Variants in SLC45A4 observed in about 807,000 individuals in gnomAD.
SLC45A4 encodes the protein polyamine-transporter SLC45A4.
In SLC45A4, 32 loss-of-function variants were observed where a neutral mutation model predicts 63.7. That is an observed-to-expected ratio of 0.50 (90% CI 0.38 to 0.67). The LOEUF is 0.67. SLC45A4 is among the 30% of genes least tolerant of loss of function. The pLI is 0.00. For synonymous variants in SLC45A4, 535 were observed against 510.0 expected (o/e 1.05, Z -0.66); for missense variants, 1,027 against 1,157.7 (o/e 0.89, Z 1.64).
At position 141,227,625 on chromosome 8, in the gene SLC45A4, C is replaced by T. The variant is rs554402969; in HGVS notation, c.242-5860G>A. 3.9e-5 allele frequency among the ~76,000 whole-genome samples: 6 copies of T among 152,206 alleles called. No homozygotes were observed. The highest frequency in any genetic ancestry group is 1.9e-4 in the East Asian group (1 of 5,150). ...CCGGGGGAGCCGGGCCCCCAGGGCT[C>T]GGGCCACCTGCTTGCAAGAGGGGAA... is the stretch of plus-strand genomic sequence containing the variant. On this transcript the variant is annotated intron_variant, in intron 2 of 8. Transcript: ENST00000517878. This position sits in a 1 kb window ranked among gnomAD's most constrained non-coding sequence, Gnocchi z 4.4.
chr8:141,251,811 T>C (rs1828479075), intron 2 of SLC45A4, among the ~76,000 whole-genome samples: 2 of 151,280 alleles, frequency 1.3e-5, no homozygotes, highest in South Asian at 2.1e-4. Flanking sequence ...AGTGACAAGA[T>C]CGAGGGATGG....
chr8:141,220,497 C>G (rs1218564661), intron 3 of SLC45A4, among the ~76,000 whole-genome samples: 4 of 152,216 alleles, frequency 2.6e-5, no homozygotes, highest in African/African-American at 4.8e-5. Context: ...TCAGGGGAGT[C>G]TGCCCCTGAA....
rs1280342956 is a variant in SLC45A4, at chr8:141,215,247, T to C, written c.1941+512A>G. 6.6e-6 allele frequency among the ~76,000 whole-genome samples: 1 copy of C among 152,238 alleles called. No homozygotes were observed. The highest frequency in any genetic ancestry group is 1.5e-5 in the Non-Finnish European group (1 of 68,040). On this transcript the variant is annotated intron_variant, in intron 7 of 8. Coordinates refer to ENST00000517878, the MANE Select transcript of SLC45A4 (RefSeq NM_001286646.2). This position sits in a 1 kb window ranked among gnomAD's most constrained non-coding sequence, Gnocchi z 4.3. ...TGTAACATACACACAATTTCAACGA[T>C]GAGCAAGAGTGTAAGGTATCTCGAT... is the stretch of plus-strand genomic sequence containing the variant.
intron 1 of SLC45A4, among the ~76,000 whole-genome samples, chr8:141,269,210 C>T (rs1039420385): frequency 2.6e-5 from 4 of 152,242 alleles, no homozygotes; most frequent in Non-Finnish European, 5.9e-5. Flanking sequence ...TCAAGAGTGT[C>T]CCAGTTAGAA....
Position 141,219,693 on chromosome 8 carries a change from G to A in SLC45A4, c.567C>T (p.Ser189=), listed in dbSNP as rs1312607857. 4 of 1,612,576 alleles carry A rather than the reference G, an allele frequency of 2.5e-6. No homozygotes were observed. The highest frequency in any genetic ancestry group is 3.4e-6 in the Non-Finnish European group (4 of 1,179,608). Residue 189 remains serine (S), a synonymous_variant, in exon 4 of 9, where the codon AGC becomes AGT. Transcript: ENST00000517878. ...IRAYLLDVVD[S]EEQDMALNIH... ...TGTTGAGGGCCATGTCCTGCTCCTCGCTGTCCACCACGTCCAGCAGATAGG... is the reference window on the plus strand; with the variant it reads ...TGTTGAGGGCCATGTCCTGCTCCTCACTGTCCACCACGTCCAGCAGATAGG...
chr8:141,297,247 C>A (rs1390122543), intron 1 of SLC45A4, among the ~76,000 whole-genome samples: 4 of 151,720 alleles, frequency 2.6e-5, no homozygotes, highest in African/African-American at 9.7e-5. Context: ...TGCAACAGGG[C>A]TCCACCAAGA....
chr8:141,248,755 C>G (rs1190145967), intron 2 of SLC45A4, among the ~76,000 whole-genome samples: 1 of 152,120 alleles, frequency 6.6e-6, no homozygotes, highest in Non-Finnish European at 1.5e-5. Flanking sequence ...TAGCTCACAT[C>G]TGTAATTACA....
chr8:141,269,462 GTC>G (rs1390318412), intron 1 of SLC45A4, among the ~76,000 whole-genome samples: 83 of 121,984 alleles, frequency 6.8e-4, no homozygotes, highest in African/African-American at 3.3e-3. Flanking sequence ...CTGCCTATGT[GTC>G]TGTGTGTGTG....
chr8:141,307,651 A>G (rs891577821), intron 1 of SLC45A4, among the ~76,000 whole-genome samples: 39 of 152,090 alleles, frequency 2.6e-4, no homozygotes, highest in Middle Eastern at 3.2e-3. Flanking sequence ...AGTTAGAGAT[A>G]GCAGGCAGGG....
chr8:141,238,288 C>CT (rs957003069), intron 2 of SLC45A4, among the ~76,000 whole-genome samples: 27 of 151,752 alleles, frequency 1.8e-4, no homozygotes, highest in East Asian at 1.2e-3. Flanking sequence ...AAAGTCGCCC[C>CT]TTTTTTTTTC....
At chr8:141,276,632 G>A (rs766741523) in intron 1 of SLC45A4, among the ~76,000 whole-genome samples, 8 of 152,116 alleles carry the variant, frequency 5.3e-5, no homozygotes, top group Non-Finnish European at 7.4e-5. Context: ...TGTCGCCCAC[G>A]CCTCTGCACA....
At chr8:141,268,464 G>T (rs942936041) in intron 1 of SLC45A4, among the ~76,000 whole-genome samples, 1 of 152,162 alleles carries the variant, frequency 6.6e-6, no homozygotes, top group African/African-American at 2.4e-5. Flanking sequence ...TGACAGAGAC[G>T]TGCCACTGCA....
At chr8:141,240,791 T>G (rs1431387175) in intron 2 of SLC45A4, among the ~76,000 whole-genome samples, 1 of 152,200 alleles carries the variant, frequency 6.6e-6, no homozygotes, top group Non-Finnish European at 1.5e-5. Flanking sequence ...GACACTGTGA[T>G]TGGATCCTAG....
chr8:141,265,265 C>T (rs1480409186), intron 1 of SLC45A4, among the ~76,000 whole-genome samples: 1 of 152,214 alleles, frequency 6.6e-6, no homozygotes, highest in East Asian at 1.9e-4. Context: ...GTGCATATTT[C>T]CTGAACACGA....
chr8:141,238,071 G>T (rs1827718732), intron 2 of SLC45A4, among the ~76,000 whole-genome samples: 1 of 152,196 alleles, frequency 6.6e-6, no homozygotes, highest in Admixed American at 6.5e-5. Flanking sequence ...CACATACGTG[G>T]TTCTCCCTCT....
rs142507080 is a variant in SLC45A4 at position 141,285,439 on chromosome 8, C to G, written c.-401+22657G>C. Among the ~76,000 whole-genome samples the G allele has an allele frequency of 4.5e-3, 682 of 152,348 alleles. 5 individuals carry two copies. The highest frequency in any genetic ancestry group is 7.0e-3 in the Admixed American group (107 of 15,310). ...TTACCGAATCCCCACTCCACAGTGA[C>G]CGGCCTTGCACTTGGCCCGAGGTCA... On this transcript the variant is annotated intron_variant, in intron 1 of 8. Coordinates refer to ENST00000517878, the MANE Select transcript of SLC45A4 (RefSeq NM_001286646.2).
At chr8:141,285,239 C>A (rs932341147) in intron 1 of SLC45A4, among the ~76,000 whole-genome samples, 6 of 152,184 alleles carry the variant, frequency 3.9e-5, no homozygotes, top group African/African-American at 1.4e-4. Flanking sequence ...CCGCTGGGAA[C>A]CACAACGCGC....
At chr8:141,304,214 C>T (rs1830829862) in intron 1 of SLC45A4, among the ~76,000 whole-genome samples, 1 of 151,970 alleles carries the variant, frequency 6.6e-6, no homozygotes, top group Admixed American at 6.6e-5. Context: ...ATCACTTGAG[C>T]CTAGGGGTTC....
At position 141,229,517 on chromosome 8, in the gene SLC45A4, C is replaced by T. The variant is rs890305680; in HGVS notation, c.242-7752G>A. ...GGGTAGGGGCAGCTCCCCTGGTGTC[C>T]AGGCACTCCCTTGTCAAGGCCACAA... is the stretch of plus-strand genomic sequence containing the variant. On this transcript the variant is annotated intron_variant, in intron 2 of 8. Coordinates refer to ENST00000517878, the MANE Select transcript of SLC45A4 (RefSeq NM_001286646.2). The surrounding 1 kb of genome is among the most constrained non-coding windows in gnomAD (Gnocchi z 5.0). Among the ~76,000 whole-genome samples, 2 of 152,168 alleles carry T rather than the reference C, an allele frequency of 1.3e-5. No individual in the cohort carries two copies. Among genetic ancestry groups the T allele is most frequent in the Non-Finnish European group, 2.9e-5 (2 of 68,030 alleles).
Sources: gnomAD v4.1 joint callset for allele counts (sites outside exome capture counted in the v4.1 genomes callset) on GRCh38, gnomAD v4.1.1 for gene constraint, Gnocchi (gnomAD v3.1) non-coding constraint, MANE v1.5 for transcripts, NCBI Gene and HGNC (gene_info 2026-07-23, HGNC 2026-07-21) for gene names.